Variants in CCSER2 observed in about 807,000 individuals in gnomAD.
CCSER2 encodes serine-rich coiled-coil domain-containing protein 2.
In CCSER2, 46 loss-of-function variants were observed where a neutral mutation model predicts 92.3. That is an observed-to-expected ratio of 0.50 (90% CI 0.39 to 0.64). The LOEUF is 0.64. Among genes scored for constraint, CCSER2 ranks in the 30% least tolerant of loss-of-function variants. CCSER2 has a pLI of 0.00. For synonymous variants in CCSER2, 433 were observed against 431.4 expected (o/e 1.00, Z -0.04); for missense variants, 1,244 against 1,238.9 (o/e 1.00, Z -0.06).
chr10:84,483,336 T>C (rs1229185888), intron 9 of CCSER2, among the ~76,000 whole-genome samples: 1 of 150,158 alleles, frequency 6.7e-6, no homozygotes, highest in East Asian at 1.9e-4. Flanking sequence ...GAGGTTGTGG[T>C]GAGCTGAGAT....
chr10:84,486,735 C>T (rs1257986638), intron 9 of CCSER2, among the ~76,000 whole-genome samples: 2 of 152,188 alleles, frequency 1.3e-5, no homozygotes, highest in African/African-American at 4.8e-5. Context: ...TGTGCAGAAG[C>T]TCTTTAGTTT....
intron 4 of CCSER2, among the ~76,000 whole-genome samples, chr10:84,420,329 C>A (rs1283453659): frequency 6.6e-6 from 1 of 152,152 alleles, no homozygotes; most frequent in Admixed American, 6.5e-5. Flanking sequence ...AGGCAAACAA[C>A]TATTGGCTAT....
At chr10:84,424,818 T>C (rs560176489) in intron 4 of CCSER2, 1 of 157,076 alleles carries the variant, frequency 6.4e-6, no homozygotes, top group South Asian at 2.0e-4. Flanking sequence ...GCAGTATTTT[T>C]AGTAACCGTC....
At chr10:84,463,262 G>A (rs1846207054) in intron 6 of CCSER2, among the ~76,000 whole-genome samples, 1 of 152,190 alleles carries the variant, frequency 6.6e-6, no homozygotes, top group Admixed American at 6.5e-5. Flanking sequence ...AATCTTAAGT[G>A]TACAGCTCAA....
chr10:84,329,008 C>G (rs922470461), intron 1 of CCSER2, among the ~76,000 whole-genome samples, 200 bp downstream of exon 1: 21 of 151,876 alleles, frequency 1.4e-4, no homozygotes, highest in African/African-American at 4.6e-4. Context: ...GGCGCGGACC[C>G]GGGAGGCCGG....
At chr10:84,427,867 A>G (rs1843524813) in intron 5 of CCSER2, among the ~76,000 whole-genome samples, 1 of 152,116 alleles carries the variant, frequency 6.6e-6, no homozygotes, top group Non-Finnish European at 1.5e-5. Flanking sequence ...TTTTACACCA[A>G]AGATTCTTAT....
chr10:84,346,256 G>T (rs1006854421), intron 1 of CCSER2, among the ~76,000 whole-genome samples: 2 of 152,074 alleles, frequency 1.3e-5, no homozygotes, highest in Admixed American at 6.6e-5. Context: ...TAGAGACGGG[G>T]TTTCTCTATG....
intron 5 of CCSER2, among the ~76,000 whole-genome samples, chr10:84,426,878 C>G (rs996890259): frequency 1.3e-5 from 2 of 152,026 alleles, no homozygotes; most frequent in Non-Finnish European, 2.9e-5. Context: ...AAAAGTTAAG[C>G]AACATTTTCA....
chr10:84,499,543 T>A (rs1000483996), intron 9 of CCSER2, among the ~76,000 whole-genome samples: 20 of 152,148 alleles, frequency 1.3e-4, no homozygotes, highest in African/African-American at 4.8e-4. Context: ...AAATTCCTTC[T>A]TTTTCTGCAA....
chr10:84,511,594 A>G (rs568223720), intron 9 of CCSER2, among the ~76,000 whole-genome samples: 24 of 152,334 alleles, frequency 1.6e-4, no homozygotes, highest in African/African-American at 5.5e-4. Flanking sequence ...GAACTAGAAT[A>G]TCTTACCATG....
chr10:84,402,562 T>A (rs1299608005), intron 3 of CCSER2, among the ~76,000 whole-genome samples: 3 of 152,090 alleles, frequency 2.0e-5, no homozygotes, highest in Non-Finnish European at 4.4e-5. Flanking sequence ...GGAAAACAAA[T>A]CCTAACAATT....
At chr10:84,436,886 G>A (rs1298125915) in intron 5 of CCSER2, among the ~76,000 whole-genome samples, 2 of 152,052 alleles carry the variant, frequency 1.3e-5, no homozygotes, top group South Asian at 2.1e-4. Flanking sequence ...AGAGATGTGG[G>A]AATATTTGTT....
chr10:84,330,693 G>GTTGTTC (rs1231028621), intron 1 of CCSER2, among the ~76,000 whole-genome samples: 1 of 152,024 alleles, frequency 6.6e-6, no homozygotes, highest in Non-Finnish European at 1.5e-5. Context: ...TTTTTTAGTA[G>GTTGTTC]AGACGGGTTT....
At position 84,477,668 on chromosome 10, in the gene CCSER2, A is replaced by C. The variant is rs1028688367; in HGVS notation, c.2325+4A>C. 6.5e-7 allele frequency: 1 copy of C among 1,548,986 alleles called. No individual in the cohort carries two copies. Among genetic ancestry groups the C allele is most frequent in the Non-Finnish European group, 8.9e-7 (1 of 1,122,160 alleles). ...AACACCCTGGAGACGAATTCCTGTA[A>C]GTAACATTTGCTCTTAGCCTCCTCT... On this transcript the variant is annotated splice_donor_region_variant and intron_variant, in intron 9 of 9. Transcript: ENST00000372088.
rs962402527 is a variant in CCSER2 at position 84,439,249 on chromosome 10, A to G, written c.2064+542A>G. On this transcript the variant is annotated intron_variant, in intron 6 of 9. Coordinates refer to ENST00000372088, the MANE Select transcript of CCSER2 (RefSeq NM_001284240.2). The stretch of plus-strand genomic sequence containing the variant: ...CTCATAGCAGTGATGTCACTTGTCC[A>G]AAGCCACAGGATAACCTGATGTTGG... 7.6e-5 allele frequency among the ~76,000 whole-genome samples: 11 copies of G among 144,192 alleles called. No individual in the cohort carries two copies. In the Admixed American group the frequency reaches 8.1e-4, roughly 11 times the overall value. The allele number at this position is 144,192 out of a possible 152,430, so 94.6% of individuals were successfully genotyped here. A position where few individuals can be genotyped will look rare whatever the true frequency, so the allele number is the denominator to read the frequency against.
intron 4 of CCSER2, among the ~76,000 whole-genome samples, chr10:84,422,177 G>A (rs1316755332): frequency 2.0e-5 from 3 of 152,202 alleles, no homozygotes; most frequent in African/African-American, 7.2e-5. Context: ...AGGATAGGTA[G>A]ATCTGAAAGA....
intron 5 of CCSER2, among the ~76,000 whole-genome samples, chr10:84,427,201 A>G (rs1184531710): frequency 2.6e-5 from 4 of 152,172 alleles, no homozygotes; most frequent in Non-Finnish European, 4.4e-5. Context: ...AATTTGACTG[A>G]CTTAGCACAG....
intron 9 of CCSER2, among the ~76,000 whole-genome samples, chr10:84,494,699 A>G (rs1848350485): frequency 6.6e-6 from 1 of 152,176 alleles, no homozygotes; most frequent in African/African-American, 2.4e-5. Flanking sequence ...CTTGTATTCA[A>G]GGTAGAGTGA....
chr10:84,458,742 TATATAC>T (rs1845923365), intron 6 of CCSER2, among the ~76,000 whole-genome samples: 1 of 152,084 alleles, frequency 6.6e-6, no homozygotes, highest in Admixed American at 6.5e-5. Context: ...CATATACACA[TATATAC>T]ATACACATAT....
Sources: allele counts gnomAD v4.1 joint callset (sites outside exome capture counted in the v4.1 genomes callset), GRCh38; gene constraint gnomAD v4.1.1; transcripts MANE v1.5; gene names NCBI Gene and HGNC (gene_info 2026-07-23, HGNC 2026-07-21).